Variants in ERG observed in about 807,000 individuals in gnomAD.
The protein encoded by ERG is ETS transcription factor ERG, also known as transcriptional regulator ERG.
In ERG, 9 loss-of-function variants were observed where a neutral mutation model predicts 55.3. That is an observed-to-expected ratio of 0.16 (90% CI 0.10 to 0.28). The LOEUF (loss-of-function observed/expected upper bound fraction) is 0.28. Ranked by LOEUF, ERG falls within the 10% of genes least tolerant of loss-of-function variation. ERG has a pLI of 1.00. For synonymous variants in ERG, 223 were observed against 237.3 expected, an observed-to-expected ratio of 0.94 and a Z score of 0.55; for missense variants, 434 against 631.6, an observed-to-expected ratio of 0.69 and a Z score of 3.35.
At chr21:38,374,787 T>C in the ERG span, among the ~76,000 whole-genome samples, 4 of 152,216 alleles carry the variant, frequency 2.6e-5, no homozygotes, top group Non-Finnish European at 5.9e-5. Flanking sequence ...TTTTGGTTCA[T>C]TAAATACAAA....
intron 1 of ERG, among the ~76,000 whole-genome samples, chr21:38,655,443 C>T (rs1322820812): frequency 6.6e-6 from 1 of 152,176 alleles, no homozygotes; most frequent in Non-Finnish European, 1.5e-5. Context: ...CAATGCAATG[C>T]TAGCATTGCA....
intron 2 of ERG, among the ~76,000 whole-genome samples, chr21:38,525,313 C>T (rs1046534234): frequency 6.6e-6 from 1 of 152,072 alleles, no homozygotes; most frequent in Admixed American, 6.6e-5. Context: ...GTTCTGTATC[C>T]CTGCCCATGT....
rs576272043 is a variant in ERG, at chr21:38,481,855, G to A, written c.18+16508C>T. On this transcript the variant is annotated intron_variant, in intron 1 of 9. Coordinates refer to ENST00000288319, the MANE Select transcript of ERG (RefSeq NM_182918.4). ...AGTAACAAAAGAAGAAAAATGAATA[G>A]TCCCTATCATAGCACATTAATACAA... Among the ~76,000 whole-genome samples the A allele has an allele frequency of 4.9e-3, 751 of 152,262 alleles. 4 individuals are homozygous for A. The highest frequency in any genetic ancestry group is 8.2e-3 in the Non-Finnish European group (561 of 68,020).
At chr21:38,573,998 C>T (rs1299781478) in intron 2 of ERG, among the ~76,000 whole-genome samples, 1 of 152,190 alleles carries the variant, frequency 6.6e-6, no homozygotes, top group Non-Finnish European at 1.5e-5. Context: ...GGGATTGTTT[C>T]ACCTTTATGA....
At chr21:38,532,618 T>C (rs2059680907) in intron 2 of ERG, among the ~76,000 whole-genome samples, 1 of 152,204 alleles carries the variant, frequency 6.6e-6, no homozygotes, top group African/African-American at 2.4e-5. Context: ...TTTCTGATTA[T>C]AATCACAGGT....
At chr21:38,374,914 A>G in the ERG span, among the ~76,000 whole-genome samples, 1 of 152,170 alleles carries the variant, frequency 6.6e-6, no homozygotes, top group Admixed American at 6.5e-5. Flanking sequence ...TTCTGACCCC[A>G]TGCCTTTGCT....
At position 38,382,052 on chromosome 21, in the gene ERG, C is replaced by A; in HGVS notation, c.*1351G>T. On this transcript the variant is annotated 3_prime_UTR_variant, in exon 10 of 10. Coordinates refer to ENST00000288319, the MANE Select transcript of ERG (RefSeq NM_182918.4). ...ATCTGATTTGCCATGCTAGGCCAAG[C>A]TTATTTTATTACATACATTCTGCAT... The A allele has an allele frequency of 9.4e-7, 1 of 1,059,388 alleles. No individual in the cohort carries two copies. Among genetic ancestry groups the A allele is most frequent in the Non-Finnish European group, 1.1e-6 (1 of 875,350 alleles). The allele number at this position is 1,059,388 out of a possible 1,614,324, so 65.6% of individuals were successfully genotyped here.
the ERG span, among the ~76,000 whole-genome samples, chr21:38,370,705 ACTATTT>A: frequency 6.6e-6 from 1 of 151,888 alleles, no homozygotes; most frequent in East Asian, 1.9e-4. Context: ...GATGTTTAGT[ACTATTT>A]CTGATTATAT....
chr21:38,512,724 G>T (rs2059521849), intron 2 of ERG, among the ~76,000 whole-genome samples: 1 of 152,168 alleles, frequency 6.6e-6, no homozygotes, highest in Admixed American at 6.5e-5. Flanking sequence ...AAACAGTTGA[G>T]AAAATTTAGG....
chr21:38,547,431 A>G (rs2059794851), intron 2 of ERG, among the ~76,000 whole-genome samples: 1 of 152,210 alleles, frequency 6.6e-6, no homozygotes, highest in Admixed American at 6.5e-5. Context: ...AGAGTGTCTT[A>G]GACTTATTCT....
intron 2 of ERG, among the ~76,000 whole-genome samples, chr21:38,426,916 G>GC (rs1284813903): frequency 3.7e-5 from 5 of 134,788 alleles, no homozygotes; most frequent in African/African-American, 1.1e-4. Context: ...GGCAACAAGA[G>GC]CAAGACTCCA....
intron 2 of ERG, among the ~76,000 whole-genome samples, chr21:38,566,865 G>T (rs925161021): frequency 2.0e-5 from 3 of 152,228 alleles, no homozygotes; most frequent in African/African-American, 7.2e-5. Flanking sequence ...TACTGGAGAA[G>T]AAGCTTTAGA....
intron 1 of ERG, among the ~76,000 whole-genome samples, chr21:38,646,183 C>T (rs112960020): frequency 0.2 from 30,758 of 150,136 alleles, 3,397 homozygotes; most frequent in Middle Eastern, 0.32. Flanking sequence ...TGGGAGACTG[C>T]GGCACAAGAA....
intron 6 of ERG, among the ~76,000 whole-genome samples, chr21:38,393,721 G>A (rs191307267): frequency 2.7e-3 from 416 of 152,304 alleles, no homozygotes; most frequent in Non-Finnish European, 5.0e-3. Flanking sequence ...GATGCGCAAC[G>A]TGAAAGTCAA....
Position 38,460,400 on chromosome 21 carries a change from G to T in ERG, c.19-14779C>A, listed in dbSNP as rs2146594681. ...GCACTAATATTTTCCATCTCATAAG[G>T]GTTCTGCAAAGAAAATTCTTTCTAT... On this transcript the variant is annotated intron_variant, in intron 1 of 9. Transcript: ENST00000288319. The surrounding 1 kb of genome is among the most constrained non-coding windows in gnomAD (Gnocchi z 5.0). Among the ~76,000 whole-genome samples, 1 of 152,152 alleles carries T rather than the reference G, an allele frequency of 6.6e-6. No individual in the cohort carries two copies. Among genetic ancestry groups the T allele is most frequent in the East Asian group, 1.9e-4 (1 of 5,178 alleles).
chr21:38,643,349 C>T (rs547643550), intron 1 of ERG, among the ~76,000 whole-genome samples: 1 of 152,246 alleles, frequency 6.6e-6, no homozygotes, highest in East Asian at 1.9e-4. Flanking sequence ...GGAACAAAAA[C>T]GTCTATCTGG....
chr21:38,594,738 C>A (rs934749978), intron 1 of ERG, among the ~76,000 whole-genome samples: 1 of 152,170 alleles, frequency 6.6e-6, no homozygotes, highest in Non-Finnish European at 1.5e-5. Context: ...GAGAGGAAGG[C>A]AATCCAGACA....
chr21:38,394,456 C>G lies in ERG; in HGVS notation c.746-2012G>C, dbSNP rs909252615. Reference sequence around the variant, plus strand: ...CAAGCTCCACCTCCCAGGTTCACACCATTCTCCTGCCTCAGCCTCCTGAGT... The same window carrying G: ...CAAGCTCCACCTCCCAGGTTCACACGATTCTCCTGCCTCAGCCTCCTGAGT... On this transcript the variant is annotated intron_variant, in intron 6 of 9. Coordinates refer to ENST00000288319, the MANE Select transcript of ERG (RefSeq NM_182918.4). Among the ~76,000 whole-genome samples the G allele has an allele frequency of 5.3e-5, 8 of 152,080 alleles. No individual in the cohort carries two copies. In the East Asian group the frequency reaches 1.4e-3, roughly 26 times the overall value.
intron 2 of ERG, among the ~76,000 whole-genome samples, chr21:38,522,678 G>T (rs1055147626): frequency 6.6e-6 from 1 of 152,132 alleles, no homozygotes; most frequent in Non-Finnish European, 1.5e-5. Flanking sequence ...ATGACAGTAT[G>T]AAAGTTTGGT....
Sources: allele counts gnomAD v4.1 joint callset (sites outside exome capture counted in the v4.1 genomes callset), GRCh38; gene constraint gnomAD v4.1.1; non-coding constraint Gnocchi (gnomAD v3.1); transcripts MANE v1.5; gene names NCBI Gene and HGNC (gene_info 2026-07-23, HGNC 2026-07-21).